Variants in SYNPO2 observed in about 807,000 individuals in gnomAD.
The protein encoded by SYNPO2 is synaptopodin 2, also known as synaptopodin-2.
In SYNPO2, 56 loss-of-function variants were observed where a neutral mutation model predicts 85.0. The observed-to-expected ratio is 0.66, with a 90% confidence interval of 0.53 to 0.82. SYNPO2 has a LOEUF of 0.82. SYNPO2 is among the 40% of genes least tolerant of loss of function. The pLI, the probability that SYNPO2 is intolerant of heterozygous loss-of-function variation, is 0.00. For synonymous variants in SYNPO2, 602 were observed against 591.1 expected (o/e 1.02, Z -0.27); for missense variants, 1,575 against 1,534.2 (o/e 1.03, Z -0.44).
chr4:119,017,101 G>A (rs1327528152), intron 1 of SYNPO2, among the ~76,000 whole-genome samples: 1 of 152,212 alleles, frequency 6.6e-6, no homozygotes, highest in Admixed American at 6.5e-5. Context: ...AACAGGTTAT[G>A]AGCTTGAATT....
intron 1 of SYNPO2, among the ~76,000 whole-genome samples, chr4:118,896,495 A>G (rs1164437542): frequency 1.3e-5 from 2 of 152,200 alleles, no homozygotes; most frequent in Non-Finnish European, 2.9e-5. Flanking sequence ...AAGAGTAAAC[A>G]CCTTCATGAA....
chr4:119,052,138 G>A lies in SYNPO2; in HGVS notation c.3253-5263G>A, dbSNP rs113080580. ...GCCACTCAGGAAATTTGGAGGGAAA[G>A]GGACAGGCTGACAAACTGTTCTGGC... On this transcript the variant is annotated intron_variant, in intron 4 of 4. Transcript: ENST00000307142. Among the ~76,000 whole-genome samples, 263 of 152,294 alleles carry A rather than the reference G, an allele frequency of 1.7e-3. 2 individuals are homozygous for A. The highest frequency in any genetic ancestry group is 3.4e-3 in the Middle Eastern group (1 of 294).
At chr4:118,957,883 C>T (rs1228562148) in intron 1 of SYNPO2, among the ~76,000 whole-genome samples, 1 of 152,148 alleles carries the variant, frequency 6.6e-6, no homozygotes, top group East Asian at 1.9e-4. Context: ...GGTCACAGAG[C>T]CTGAACTGGA....
At chr4:118,923,374 C>T (rs1733602492) in intron 1 of SYNPO2, among the ~76,000 whole-genome samples, 1 of 151,970 alleles carries the variant, frequency 6.6e-6, no homozygotes. Flanking sequence ...AAGGAAACAA[C>T]AGACACCAGG....
At chr4:118,999,546 A>G (rs548391728) in intron 1 of SYNPO2, among the ~76,000 whole-genome samples, 8 of 152,242 alleles carry the variant, frequency 5.3e-5, no homozygotes, top group South Asian at 2.1e-4. Context: ...CAGAAGAGAG[A>G]TACAGGTGCA....
intron 1 of SYNPO2, among the ~76,000 whole-genome samples, chr4:118,914,606 A>G (rs900819419): frequency 6.6e-6 from 1 of 152,124 alleles, no homozygotes; most frequent in Admixed American, 6.6e-5. Context: ...TTTTTGTGAT[A>G]TTTCTCAATA....
At chr4:118,906,598 GAAGT>G (rs1301574625) in intron 1 of SYNPO2, among the ~76,000 whole-genome samples, 1 of 152,076 alleles carries the variant, frequency 6.6e-6, no homozygotes, top group Non-Finnish European at 1.5e-5. Context: ...GAAAAATAAG[GAAGT>G]GTTTTCTGGA....
chr4:118,993,850 A>T (rs1232215615), intron 1 of SYNPO2, among the ~76,000 whole-genome samples: 1 of 152,218 alleles, frequency 6.6e-6, no homozygotes, highest in African/African-American at 2.4e-5. Flanking sequence ...CATGTTGAAA[A>T]TATATTCCAT....
At chr4:118,974,212 T>C (rs1370285552) in intron 1 of SYNPO2, among the ~76,000 whole-genome samples, 1 of 152,266 alleles carries the variant, frequency 6.6e-6, no homozygotes, top group Non-Finnish European at 1.5e-5. Flanking sequence ...AAGTGGCATC[T>C]GTAGCATTTC....
chr4:118,964,375 A>C (rs879549371), intron 1 of SYNPO2, among the ~76,000 whole-genome samples: 3 of 151,508 alleles, frequency 2.0e-5, no homozygotes, highest in Non-Finnish European at 4.4e-5. Flanking sequence ...CTGTGGTCCC[A>C]GCTACTTGGG....
chr4:119,033,098 A>C, intron 4 of SYNPO2: 1 of 985,368 alleles, frequency 1.0e-6, no homozygotes, highest in Non-Finnish European at 1.2e-6. Flanking sequence ...CTATTGTTTC[A>C]CCTGGAGAAA....
At chr4:118,881,992 TTGA>T (rs1223687361) in intron 1 of SYNPO2, among the ~76,000 whole-genome samples, 1 of 152,246 alleles carries the variant, frequency 6.6e-6, no homozygotes, top group Non-Finnish European at 1.5e-5. Context: ...ATCCATCCTG[TTGA>T]TGATCTATCT....
At chr4:118,996,689 C>T (rs1360850012) in intron 1 of SYNPO2, among the ~76,000 whole-genome samples, 1 of 149,992 alleles carries the variant, frequency 6.7e-6, no homozygotes, top group Non-Finnish European at 1.5e-5. Flanking sequence ...AACCCCATTT[C>T]TATTCAAAAT....
Position 118,973,560 on chromosome 4 carries a change from C to T in SYNPO2, c.106-49870C>T, listed in dbSNP as rs116345331. 3.2e-3 allele frequency among the ~76,000 whole-genome samples: 485 copies of T among 152,064 alleles called. 1 individual carries two copies. The highest frequency in any genetic ancestry group is 5.6e-3 in the Non-Finnish European group (382 of 67,970). On this transcript the variant is annotated intron_variant, in intron 1 of 4. Coordinates refer to ENST00000307142, the MANE Select transcript of SYNPO2 (RefSeq NM_133477.3). ...TCACCAAATGTAAATATGTATCTTG[C>T]CAAGTACTTTCCACTTACTTTTTAA...
At chr4:118,866,617 A>C (rs1196823284) in intron 1 of SYNPO2, among the ~76,000 whole-genome samples, 6 of 152,138 alleles carry the variant, frequency 3.9e-5, no homozygotes, top group Non-Finnish European at 5.9e-5. Context: ...TCCCCACCCA[A>C]ATCTCATGTT....
At chr4:118,915,481 A>T (rs182001612) in intron 1 of SYNPO2, among the ~76,000 whole-genome samples, 1 of 152,238 alleles carries the variant, frequency 6.6e-6, no homozygotes, top group East Asian at 1.9e-4. Flanking sequence ...TCCACTTAAG[A>T]TATTACCACT....
intron 1 of SYNPO2, among the ~76,000 whole-genome samples, chr4:118,958,137 C>CTCTTAGCAT (rs762946704): frequency 1.3e-4 from 19 of 151,812 alleles, no homozygotes; most frequent in Non-Finnish European, 2.4e-4. Context: ...AGGGACTTTA[C>CTCTTAGCAT]TCTTAGCATT....
At position 119,027,025 on chromosome 4, in the gene SYNPO2, C is replaced by T; in HGVS notation, c.656C>T (p.Pro219Leu). The change falls in exon 3 of 5, where the codon CCG becomes CTG. Residue 219 changes from proline (P) to leucine (L), a missense_variant. This residue lies in a region of SYNPO2 where 1,508 missense variants were observed against 1,446.8 expected (regional missense o/e 1.04). Transcript: ENST00000307142. ...GCTAGTGGCCCTTTAGTGGCTCTCC[C>T]GGGAGCTGAAAAATCTAAGTCTCCT... The part of the protein sequence containing the change: ...KGASGPLVAL[P>L]GAEKSKSPDP... The T allele has an allele frequency of 1.9e-6, 3 of 1,614,072 alleles. No homozygotes were observed. Among genetic ancestry groups the T allele is most frequent in the Admixed American group, 1.7e-5 (1 of 60,018 alleles).
chr4:119,012,840 G>A (rs913885849), intron 1 of SYNPO2, among the ~76,000 whole-genome samples: 2 of 152,098 alleles, frequency 1.3e-5, no homozygotes, highest in Non-Finnish European at 2.9e-5. Context: ...TACTGTAAAT[G>A]GCAGCACATT....
Sources: allele counts gnomAD v4.1 joint callset (sites outside exome capture counted in the v4.1 genomes callset), GRCh38; gene constraint gnomAD v4.1.1; regional missense constraint gnomAD v4.1.1; transcripts MANE v1.5; gene names NCBI Gene and HGNC (gene_info 2026-07-23, HGNC 2026-07-21).